FRMPD1: variants seen among roughly 807,000 people sequenced by gnomAD.
The protein encoded by FRMPD1 is FERM and PDZ domain containing 1, also known as FERM and PDZ domain-containing protein 1.
In FRMPD1, 76 loss-of-function variants were observed where a neutral mutation model predicts 117.8. The ratio of observed to expected loss-of-function variants is 0.65; its 90% CI spans 0.54 to 0.78. The LOEUF (loss-of-function observed/expected upper bound fraction) is 0.78, where lower values mean the gene tolerates loss of function less well. FRMPD1 is among the 30% of genes least tolerant of loss of function. FRMPD1 has a pLI of 0.00. For synonymous variants in FRMPD1, 783 were observed against 770.4 expected (o/e 1.02, Z -0.27); for missense variants, 1,786 against 1,964.5 (o/e 0.91, Z 1.72).
chr9:37,634,728 A>G, the FRMPD1 span, among the ~76,000 whole-genome samples: 1,301 of 151,176 alleles, frequency 8.6e-3, 19 homozygotes, highest in African/African-American at 0.03. Context: ...GACAAGATAC[A>G]TGGAAGGTAA....
chr9:37,626,985 T>C, the FRMPD1 span, among the ~76,000 whole-genome samples: 7 of 152,248 alleles, frequency 4.6e-5, no homozygotes, highest in South Asian at 1.5e-3. Flanking sequence ...TTCCCTTTAA[T>C]GTAACAGAGC....
chr9:37,730,298 C>A (rs995407928), intron 8 of FRMPD1, among the ~76,000 whole-genome samples: 3 of 152,210 alleles, frequency 2.0e-5, no homozygotes, highest in African/African-American at 7.2e-5. Flanking sequence ...CACAGCCAAA[C>A]GGTCTATATC....
chr9:37,635,480 G>A, the FRMPD1 span, among the ~76,000 whole-genome samples: 808 of 152,184 alleles, frequency 5.3e-3, 5 homozygotes, highest in African/African-American at 0.019. Flanking sequence ...GAGGGCCAAT[G>A]GAAATTTATT....
At chr9:37,653,719 C>A (rs1820752364) in intron 1 of FRMPD1, among the ~76,000 whole-genome samples, 1 of 152,132 alleles carries the variant, frequency 6.6e-6, no homozygotes, top group Admixed American at 6.6e-5. Context: ...GTACTGGCTC[C>A]CTTCTGTCTT....
chr9:37,745,732 G>A lies in FRMPD1; in HGVS notation c.3700G>A (p.Val1234Met). The A allele has an allele frequency of 6.2e-7, 1 of 1,614,204 alleles. No individual in the cohort carries two copies. Among genetic ancestry groups the A allele is most frequent in the South Asian group, 1.1e-5 (1 of 91,084 alleles). The change falls in exon 16 of 16, where the codon GTG (valine) becomes ATG (methionine). Residue 1234 changes from valine to methionine, a missense_variant. Physicochemically the swap from Val to Met is conservative, Grantham distance 21. Transcript: ENST00000377765. ...EGIKAEAPNH[V>M]TGQDIAPRDS... is the part of the protein sequence containing the mutation. ...GATCAAGGCAGAGGCACCTAACCAT[G>A]TGACAGGGCAAGATATAGCCCCTAG... is the stretch of plus-strand genomic sequence containing the variant.
chr9:37,628,916 A>T, the FRMPD1 span, among the ~76,000 whole-genome samples: 57 of 152,310 alleles, frequency 3.7e-4, 1 homozygote, highest in South Asian at 3.9e-3. Flanking sequence ...CTACTATATC[A>T]GGCCGGGCGC....
At chr9:37,718,830 C>T (rs1823263945) in intron 5 of FRMPD1, among the ~76,000 whole-genome samples, 1 of 152,206 alleles carries the variant, frequency 6.6e-6, no homozygotes, top group African/African-American at 2.4e-5. Context: ...TTCATCGTAT[C>T]ACAGCTATTT....
At chr9:37,631,852 C>T in the FRMPD1 span, among the ~76,000 whole-genome samples, 1 of 152,298 alleles carries the variant, frequency 6.6e-6, no homozygotes, top group South Asian at 2.1e-4. Context: ...GATCCTCCCA[C>T]CTTAACCTCT....
chr9:37,744,055 G>A (rs1368074320), intron 15 of FRMPD1, among the ~76,000 whole-genome samples: 1 of 152,060 alleles, frequency 6.6e-6, no homozygotes, highest in Non-Finnish European at 1.5e-5. Context: ...TGGGCATGGT[G>A]GCAGATGCCT....
At chr9:37,719,026 A>T in intron 5 of FRMPD1, 43 bp from the exon 6 acceptor site, 2 of 1,190,358 alleles carry the variant, frequency 1.7e-6, no homozygotes, top group South Asian at 1.2e-5. Context: ...CCTGGCTTTT[A>T]TGAAAGCACT....
At chr9:37,646,685 CATTCTGAAGAA>C (rs377702028), upstream of FRMPD1, among the ~76,000 whole-genome samples, 296 of 152,186 alleles carry the variant, frequency 1.9e-3, 1 homozygote, top group African/African-American at 6.8e-3. Context: ...GGAATTTGAT[CATTCTGAAGAA>C]GAACAGAAAC....
the FRMPD1 span, among the ~76,000 whole-genome samples, chr9:37,635,587 A>G: frequency 5.6e-4 from 85 of 152,320 alleles, no homozygotes; most frequent in East Asian, 0.011. Context: ...GGGGCACCCC[A>G]AGGGGCAGCC....
chr9:37,728,385 G>A (rs1823706581), intron 7 of FRMPD1, among the ~76,000 whole-genome samples: 1 of 152,194 alleles, frequency 6.6e-6, no homozygotes, highest in African/African-American at 2.4e-5. Flanking sequence ...GCCAGAGAAA[G>A]CCTCTCTAAG....
intron 1 of FRMPD1, among the ~76,000 whole-genome samples, chr9:37,689,168 A>C (rs754460705): frequency 2.0e-5 from 3 of 152,044 alleles, no homozygotes; most frequent in African/African-American, 7.2e-5. Flanking sequence ...TCTAATTATT[A>C]TGATAAATGA....
chr9:37,609,948 G>T, the FRMPD1 span, among the ~76,000 whole-genome samples: 1 of 152,170 alleles, frequency 6.6e-6, no homozygotes, highest in Non-Finnish European at 1.5e-5. Context: ...CTTTGGAGCT[G>T]CCTCTCTTTC....
chr9:37,608,106 C>T, the FRMPD1 span, among the ~76,000 whole-genome samples: 14 of 152,190 alleles, frequency 9.2e-5, no homozygotes, highest in Non-Finnish European at 1.8e-4. Context: ...CCCTGTGTCA[C>T]GAAGGCTACG....
chr9:37,725,938 CTT>C (rs1823598682), intron 7 of FRMPD1, among the ~76,000 whole-genome samples: 1 of 152,198 alleles, frequency 6.6e-6, no homozygotes, highest in Admixed American at 6.5e-5. Flanking sequence ...CTTTCATCAT[CTT>C]TGCTCAAAGT....
rs59737991 is a variant in FRMPD1, at chr9:37,705,960, AAAATAAAT to A, written c.102-1420_102-1413del. Among the ~76,000 whole-genome samples the A allele has an allele frequency of 6.4e-3, 896 of 139,092 alleles. 7 individuals carry two copies. Among genetic ancestry groups the A allele is most frequent in the African/African-American group, 0.017 (604 of 36,594 alleles). The allele number at this position is 139,092 out of a possible 152,430, so 91.2% of individuals were successfully genotyped here. A position where few individuals can be genotyped will look rare whatever the true frequency, so the allele number is the denominator to read the frequency against. ...GAGTGACAGAGTAAAACCCTCCCTC[AAAATAAAT>A]AAATAAATAAATAAATAAATAAATA... On this transcript the variant is annotated intron_variant, in intron 2 of 15. Coordinates refer to ENST00000377765, the MANE Select transcript of FRMPD1 (RefSeq NM_014907.3).
At chr9:37,724,482 C>A (rs1012889114) in intron 7 of FRMPD1, among the ~76,000 whole-genome samples, 162 bp downstream of exon 7, 1 of 152,114 alleles carries the variant, frequency 6.6e-6, no homozygotes, top group African/African-American at 2.4e-5. Flanking sequence ...TTTCGTTGCA[C>A]GACCACCCAG....
Sources: allele counts gnomAD v4.1 joint callset (sites outside exome capture counted in the v4.1 genomes callset), GRCh38; gene constraint gnomAD v4.1.1; transcripts MANE v1.5; gene names NCBI Gene and HGNC (gene_info 2026-07-23, HGNC 2026-07-21).